Variants in SLC2A4 observed in about 807,000 individuals in gnomAD.
The protein encoded by SLC2A4 is solute carrier family 2 member 4.
In SLC2A4, 31 loss-of-function variants were observed where a neutral mutation model predicts 53.3. The ratio of observed to expected loss-of-function variants is 0.58; its 90% CI spans 0.44 to 0.78. The LOEUF is 0.78. SLC2A4 is among the 30% of genes least tolerant of loss of function. SLC2A4 has a pLI of 0.00. For missense variants in SLC2A4, 538 were observed against 655.7 expected (o/e 0.82, Z 1.96); for synonymous variants, 276 against 281.9 (o/e 0.98, Z 0.21).
rs189535965 is a variant in SLC2A4 at position 7,284,722 on chromosome 17, G to A, written c.915+50G>A. The A allele has an allele frequency of 1.4e-3, 2,238 of 1,611,044 alleles. 22 individuals carry two copies. Among genetic ancestry groups the A allele is most frequent in the South Asian group, 3.9e-3 (351 of 90,948 alleles). On this transcript the variant is annotated intron_variant, in intron 7 of 10. Transcript: ENST00000317370. The surrounding 1 kb of genome is among the most constrained non-coding windows in gnomAD (Gnocchi z 7.5). ...AGGGCACAGCCCCGGGAGGGTAGAC[G>A]AGAGTGGGGAGCAAACCCCCTCCAC...
chr17:7,284,110 G>A lies in SLC2A4; in HGVS notation c.564+21G>A, dbSNP rs1181098184. On this transcript the variant is annotated intron_variant, in intron 5 of 10. Coordinates refer to ENST00000317370, the MANE Select transcript of SLC2A4 (RefSeq NM_001042.3). This position sits in a 1 kb window ranked among gnomAD's most constrained non-coding sequence, Gnocchi z 7.5. ...CCCAGGTGACCGGAGCAAGCCTCAT[G>A]GGTGCCTGGGCAGTGGTTAGAGTGG... 1 of 1,612,116 alleles carries A rather than the reference G, an allele frequency of 6.2e-7. No individual in the cohort carries two copies. The highest frequency in any genetic ancestry group is 1.7e-5 in the Admixed American group (1 of 59,932).
chr17:7,285,558 G>A lies in SLC2A4; in HGVS notation c.1123-147G>A. On this transcript the variant is annotated intron_variant, in intron 9 of 10. Transcript: ENST00000317370. This position sits in a 1 kb window ranked among gnomAD's most constrained non-coding sequence, Gnocchi z 6.0. Reference sequence around the variant, plus strand: ...ACCCACTTGGGATAGCCAGCAGAATGCCAGTCAAGGGCCTGCTCTAACCCG... The same window carrying A: ...ACCCACTTGGGATAGCCAGCAGAATACCAGTCAAGGGCCTGCTCTAACCCG... The A allele has an allele frequency of 1.3e-6, 1 of 773,122 alleles. No homozygotes were observed. The highest frequency in any genetic ancestry group is 2.2e-6 in the Non-Finnish European group (1 of 445,546). 47.9% of individuals were successfully genotyped at this position (773,122 alleles called of 1,614,324 possible).
Position 7,284,231 on chromosome 17 carries a change from G to A in SLC2A4, c.579G>A (p.Glu193=). 6.2e-7 allele frequency: 1 copy of A among 1,613,086 alleles called. No homozygotes were observed. Among genetic ancestry groups the A allele is most frequent in the Non-Finnish European group, 8.5e-7 (1 of 1,180,026 alleles). Residue 193 remains glutamate, a synonymous_variant, in exon 6 of 11, where the codon GAG becomes GAA. Transcript: ENST00000317370. The surrounding 1 kb of genome is among the most constrained non-coding windows in gnomAD (Gnocchi z 7.5). ...TTCTCCCACAGGTGCTGGGCTTGGA[G>A]TCCCTCCTGGGCACTGCCAGCCTGT... ...GILIAQVLGL[E]SLLGTASLWP...
rs377371372 is a variant in SLC2A4 at position 7,284,003 on chromosome 17, G to A, written c.478G>A (p.Val160Met). 150 of 1,613,734 alleles carry A rather than the reference G, an allele frequency of 9.3e-5. No individual in the cohort carries two copies. Among genetic ancestry groups the A allele is most frequent in the Middle Eastern group, 3.3e-4 (2 of 6,084 alleles). ...GLTSGLVPMY[V>M]GEIAPTHLRG... ...GACATCAGGGCTGGTGCCCATGTAC[G>A]TGGGGGAGATTGCTCCCACTCACCT... The change falls in exon 5 of 11, where the codon GTG (valine) becomes ATG (methionine). Residue 160 changes from valine (V) to methionine (M), a missense_variant. Physicochemically the swap from Val to Met is conservative, Grantham distance 21 (BLOSUM62 1). Transcript: ENST00000317370. This position sits in a 1 kb window ranked among gnomAD's most constrained non-coding sequence, Gnocchi z 7.5.
chr17:7,282,496 GTC>G lies in SLC2A4; in HGVS notation c.33+531_33+532del, dbSNP rs2072411225. On this transcript the variant is annotated intron_variant, in intron 1 of 10. Coordinates refer to ENST00000317370, the MANE Select transcript of SLC2A4 (RefSeq NM_001042.3). The surrounding 1 kb of genome is among the most constrained non-coding windows in gnomAD (Gnocchi z 4.1). ...CAGCTCAGGTTTCCGCTTGGAGACA[GTC>G]TGTGCCGCCAGCGAGCGGCCACCAC... 2.3e-6 allele frequency: 1 copy of G among 431,382 alleles called. No homozygotes were observed. Among genetic ancestry groups the G allele is most frequent in the Admixed American group, 2.6e-5 (1 of 39,126 alleles). The allele number at this position is 431,382 out of a possible 1,614,324, so 26.7% of individuals were successfully genotyped here. A position where few individuals can be genotyped will look rare whatever the true frequency, so the allele number is the denominator to read the frequency against.
At chr17:7,286,197 A>C in intron 10 of SLC2A4, 1 of 646,146 alleles carries the variant, frequency 1.5e-6, no homozygotes, top group Non-Finnish European at 2.7e-6. Context: ...CTCTGAGTGC[A>C]GTAACTGAGG....
chr17:7,283,868 C>G lies in SLC2A4; in HGVS notation c.448+6C>G. ...CCTCATTGGCGCCTACTCAGGTACT[C>G]ACGGGCACCACAGCCCTGCCTAGCG... On this transcript the variant is annotated splice_donor_region_variant and intron_variant, in intron 4 of 10. Coordinates refer to ENST00000317370, the MANE Select transcript of SLC2A4 (RefSeq NM_001042.3). The surrounding 1 kb of genome is among the most constrained non-coding windows in gnomAD (Gnocchi z 5.8). The G allele has an allele frequency of 6.2e-7, 1 of 1,614,146 alleles. No homozygotes were observed. Among genetic ancestry groups the G allele is most frequent in the African/African-American group, 1.3e-5 (1 of 75,054 alleles).
rs936690311 is a variant in SLC2A4, at chr17:7,286,360, T to C, written c.1327-66T>C. The C allele has an allele frequency of 4.3e-6, 6 of 1,398,488 alleles. No individual in the cohort carries two copies. In the African/African-American group the frequency reaches 8.5e-5, roughly 20 times the overall value. The allele number at this position is 1,398,488 out of a possible 1,614,324, so 86.6% of individuals were successfully genotyped here. ...CCCTATGAAGGCCTTTAGCTCCTGG[T>C]TGCCTGAAACTACCCCTTCCCTCCC... is the stretch of plus-strand genomic sequence containing the variant. On this transcript the variant is annotated intron_variant, in intron 10 of 10. Transcript: ENST00000317370.
In SLC2A4 at chr17:7,284,831, C is replaced by G. The variant is rs1340345554; in HGVS notation, c.916-4C>G. 1.9e-6 allele frequency: 3 copies of G among 1,614,076 alleles called. No homozygotes were observed. The highest frequency in any genetic ancestry group is 2.2e-5 in the East Asian group (1 of 44,896). On this transcript the variant is annotated splice_region_variant and splice_polypyrimidine_tract_variant and intron_variant, in intron 7 of 10. Transcript: ENST00000317370. This position sits in a 1 kb window ranked among gnomAD's most constrained non-coding sequence, Gnocchi z 7.5. ...CATCACTTCTTCTTCTCCCCCACCT[C>G]TAGGTTTTCTATTATTCGACCAGCA...
At position 7,286,995 on chromosome 17, in the gene SLC2A4, G is replaced by A. The variant is rs1199785309; in HGVS notation, c.*366G>A. ...AAGACAGGTCTAGACTTTCTCAGTG[G>A]GACAAACCAGAGCAGAGAGCAGGAC... On this transcript the variant is annotated 3_prime_UTR_variant, in exon 11 of 11. Transcript: ENST00000317370. The A allele has an allele frequency of 9.1e-6, 3 of 330,828 alleles. No individual in the cohort carries two copies. Among genetic ancestry groups the A allele is most frequent in the Non-Finnish European group, 1.8e-5 (3 of 169,500 alleles). The allele number at this position is 330,828 out of a possible 1,614,324, so 20.5% of individuals were successfully genotyped here.
In SLC2A4 at chr17:7,283,848, T is replaced by C. The variant is rs773254744; in HGVS notation, c.434T>C (p.Ile145Thr). 5 of 1,614,162 alleles carry C rather than the reference T, an allele frequency of 3.1e-6. No homozygotes were observed. Among genetic ancestry groups the C allele is most frequent in the East Asian group, 2.2e-5 (1 of 44,880 alleles). The change falls in exon 4 of 11, where the codon ATT (isoleucine) becomes ACT (threonine). Residue 145 changes from isoleucine (I) to threonine (T), a missense_variant. Transcript: ENST00000317370. The surrounding 1 kb of genome is among the most constrained non-coding windows in gnomAD (Gnocchi z 5.8). The stretch of plus-strand genomic sequence containing the variant: ...ATGCTCATCCTTGGACGATTCCTCA[T>C]TGGCGCCTACTCAGGTACTCACGGG... The part of the protein sequence containing the change: ...YEMLILGRFL[I>T]GAYSGLTSGL...
Position 7,285,878 on chromosome 17 carries a change from C to T in SLC2A4, c.1296C>T (p.Phe432=), listed in dbSNP as rs754192953. 3.7e-6 allele frequency: 6 copies of T among 1,614,122 alleles called. No individual in the cohort carries two copies. The highest frequency in any genetic ancestry group is 4.2e-6 in the Non-Finnish European group (5 of 1,179,954). ...VAGFSNWTSN[F]IIGMGFQYVA... ...GTTTCTCCAACTGGACGAGCAACTT[C>T]ATCATTGGCATGGGTTTCCAGTATG... The change falls in exon 10 of 11, where the codon TTC becomes TTT. Residue 432 remains phenylalanine (F), a synonymous_variant. Coordinates refer to ENST00000317370, the MANE Select transcript of SLC2A4 (RefSeq NM_001042.3). This position sits in a 1 kb window ranked among gnomAD's most constrained non-coding sequence, Gnocchi z 6.0.
Position 7,282,901 on chromosome 17 carries a change from C to T in SLC2A4, c.34-344C>T, listed in dbSNP as rs2072414472. ...AACATCACCCCCATCTCACAGAGGA[C>T]ACTCAGGTTCGGGGCAGGGAAGTGA... On this transcript the variant is annotated intron_variant, in intron 1 of 10. Transcript: ENST00000317370. This position sits in a 1 kb window ranked among gnomAD's most constrained non-coding sequence, Gnocchi z 4.1. 4 of 386,632 alleles carry T rather than the reference C, an allele frequency of 1.0e-5. No individual in the cohort carries two copies. Among genetic ancestry groups the T allele is most frequent in the Middle Eastern group, 8.4e-4 (1 of 1,196 alleles). The allele number at this position is 386,632 out of a possible 1,614,324, so 24.0% of individuals were successfully genotyped here.
chr17:7,285,833 G>A lies in SLC2A4; in HGVS notation c.1251G>A (p.Pro417=), dbSNP rs776348817. Residue 417 remains proline, a synonymous_variant, in exon 10 of 11, where the codon CCG becomes CCA. Coordinates refer to ENST00000317370, the MANE Select transcript of SLC2A4 (RefSeq NM_001042.3). This position sits in a 1 kb window ranked among gnomAD's most constrained non-coding sequence, Gnocchi z 6.0. ...AGCTCTTCAGCCAGGGACCCCGCCC[G>A]GCAGCCATGGCTGTGGCTGGTTTCT... is the stretch of plus-strand genomic sequence containing the variant. ...VAELFSQGPR[P]AAMAVAGFSN... is the part of the protein sequence containing the mutation. 62 of 1,614,074 alleles carry A rather than the reference G, an allele frequency of 3.8e-5. No individual in the cohort carries two copies. The highest frequency in any genetic ancestry group is 1.3e-4 in the Admixed American group (8 of 60,002).
At chr17:7,286,058 G>T in intron 10 of SLC2A4, 150 bp downstream of exon 10, 1 of 707,954 alleles carries the variant, frequency 1.4e-6, no homozygotes, top group Non-Finnish European at 2.4e-6. Context: ...CAGAATCAAA[G>T]CAAGGAAGGG....
Position 7,285,725 on chromosome 17 carries a change from C to T in SLC2A4, c.1143C>T (p.Ser381=). ...CCTAGGAGCGAGTTCCAGCCATGAG[C>T]TACGTCTCCATTGTGGCCATCTTTG... ...LLLLERVPAM[S]YVSIVAIFGF... is the part of the protein sequence containing the mutation. The change falls in exon 10 of 11, where the codon AGC becomes AGT. Residue 381 remains serine, a synonymous_variant. Coordinates refer to ENST00000317370, the MANE Select transcript of SLC2A4 (RefSeq NM_001042.3). This position sits in a 1 kb window ranked among gnomAD's most constrained non-coding sequence, Gnocchi z 6.0. 1 of 1,614,194 alleles carries T rather than the reference C, an allele frequency of 6.2e-7. No homozygotes were observed. The highest frequency in any genetic ancestry group is 8.5e-7 in the Non-Finnish European group (1 of 1,180,026).
rs2072437434 is a variant in SLC2A4, at chr17:7,285,063, G to A, written c.1021-25G>A. 6.2e-7 allele frequency: 1 copy of A among 1,608,700 alleles called. No individual in the cohort carries two copies. The highest frequency in any genetic ancestry group is 2.2e-5 in the East Asian group (1 of 44,782). On this transcript the variant is annotated intron_variant, in intron 8 of 10. Coordinates refer to ENST00000317370, the MANE Select transcript of SLC2A4 (RefSeq NM_001042.3). The surrounding 1 kb of genome is among the most constrained non-coding windows in gnomAD (Gnocchi z 6.0). ...CTACTTCCCGTGCCCAAAAGGCTGG[G>A]GTCAAGCTCCGACTCTCCCCGCAGG...
In SLC2A4 at chr17:7,287,827, A is replaced by G. The variant is rs2072465404; in HGVS notation, c.*1198A>G. 1 of 152,214 alleles carries G rather than the reference A, an allele frequency of 6.6e-6. No individual in the cohort carries two copies. The highest frequency in any genetic ancestry group is 2.4e-5 in the African/African-American group (1 of 41,440). 9.4% of individuals were successfully genotyped at this position (152,214 alleles called of 1,614,324 possible). ...AGATACTTCTATAAAGTCACTGCTG[A>G]AGACAAGCATCCTATTGTGGAGGTA... On this transcript the variant is annotated 3_prime_UTR_variant, in exon 11 of 11. Coordinates refer to ENST00000317370, the MANE Select transcript of SLC2A4 (RefSeq NM_001042.3).
In SLC2A4 at chr17:7,284,325, G is replaced by A. The variant is rs1427681667; in HGVS notation, c.673G>A (p.Glu225Lys). ...LQLVLLPFCPESPRYLYIIQN... is the reference protein window; with the variant it reads ...LQLVLLPFCPKSPRYLYIIQN... ...GCTGGTCCTGCTGCCCTTCTGTCCC[G>A]AGAGCCCCCGCTACCTCTACATCAT... The change falls in exon 6 of 11, where the codon GAG becomes AAG. Residue 225 changes from glutamate (E) to lysine (K), a missense_variant. By Grantham distance (56) the Glu-to-Lys change is moderately conservative. Coordinates refer to ENST00000317370, the MANE Select transcript of SLC2A4 (RefSeq NM_001042.3). This position sits in a 1 kb window ranked among gnomAD's most constrained non-coding sequence, Gnocchi z 7.5. 8 of 1,614,100 alleles carry A rather than the reference G, an allele frequency of 5.0e-6. No homozygotes were observed. Among genetic ancestry groups the A allele is most frequent in the African/African-American group, 1.3e-5 (1 of 75,046 alleles).
Sources: allele counts gnomAD v4.1 joint callset, GRCh38; gene constraint gnomAD v4.1.1; non-coding constraint Gnocchi (gnomAD v3.1); transcripts MANE v1.5; gene names NCBI Gene and HGNC (gene_info 2026-07-23, HGNC 2026-07-21).